ADIPOR2: variants seen among roughly 807,000 people sequenced by gnomAD.
ADIPOR2 encodes adiponectin receptor protein 2.
In ADIPOR2, 18 loss-of-function variants were observed where a neutral mutation model predicts 40.9. The ratio of observed to expected loss-of-function variants is 0.44; its 90% CI spans 0.30 to 0.65. The LOEUF (loss-of-function observed/expected upper bound fraction) is 0.65. Ranked by LOEUF, ADIPOR2 falls within the 30% of genes least tolerant of loss-of-function variation. The probability of loss-of-function intolerance (pLI) is 0.09; values close to 1 mark genes in which losing one functional copy is unlikely to be tolerated. For missense variants in ADIPOR2, 283 were observed against 479.2 expected (o/e 0.59, Z 3.82); for synonymous variants, 165 against 166.4 (o/e 0.99, Z 0.06).
Position 1,695,018 on chromosome 12 carries a change from T to G in ADIPOR2, c.-87+3827T>G, listed in dbSNP as rs565132553. Among the ~76,000 whole-genome samples, 334 of 126,510 alleles carry G rather than the reference T, an allele frequency of 2.6e-3. 3 individuals are homozygous for G. Among genetic ancestry groups the G allele is most frequent in the African/African-American group, 8.7e-3 (323 of 36,972 alleles). 83.0% of individuals were successfully genotyped at this position (126,510 alleles called of 152,430 possible). On this transcript the variant is annotated intron_variant, in intron 1 of 7. Transcript: ENST00000357103. ...CTTATTCTTTGTGTTGCAGTTTTTT[T>G]TTTTTTTTTGTTTTGTTTTTTTAAG... is the stretch of plus-strand genomic sequence containing the variant.
chr12:1,753,139 A>G (rs1468884477), intron 1 of ADIPOR2, among the ~76,000 whole-genome samples: 2 of 152,196 alleles, frequency 1.3e-5, no homozygotes, highest in Non-Finnish European at 2.9e-5. Context: ...TTTTTATGGT[A>G]TCTGGGTTCT....
chr12:1,701,951 A>G (rs2094651055), intron 1 of ADIPOR2, among the ~76,000 whole-genome samples: 1 of 152,118 alleles, frequency 6.6e-6, no homozygotes, highest in African/African-American at 2.4e-5. Flanking sequence ...GTGAAACTCC[A>G]TCTCTCCTAA....
chr12:1,777,292 G>A (rs1862614960), intron 3 of ADIPOR2, among the ~76,000 whole-genome samples: 1 of 150,426 alleles, frequency 6.6e-6, no homozygotes, highest in Admixed American at 6.6e-5. Flanking sequence ...TTGAAACAAA[G>A]TTTGAAACCA....
chr12:1,757,347 A>T, intron 2 of ADIPOR2: 1 of 698,220 alleles, frequency 1.4e-6, no homozygotes, highest in Non-Finnish European at 2.6e-6. Context: ...GCCAATAACA[A>T]AAATGTTGGA....
intron 1 of ADIPOR2, among the ~76,000 whole-genome samples, chr12:1,693,236 G>T (rs2094630931): frequency 6.6e-6 from 1 of 152,092 alleles, no homozygotes; most frequent in African/African-American, 2.4e-5. Context: ...TTTCTTTTGG[G>T]GTACAGCAGC....
chr12:1,781,465 TTTTG>T (rs1862718922), intron 6 of ADIPOR2, among the ~76,000 whole-genome samples: 1 of 152,132 alleles, frequency 6.6e-6, no homozygotes, highest in African/African-American at 2.4e-5. Flanking sequence ...TCATTTTCTG[TTTTG>T]TTTTATATTT....
At chr12:1,756,651 G>C (rs1457395180) in intron 2 of ADIPOR2, among the ~76,000 whole-genome samples, 1 of 152,010 alleles carries the variant, frequency 6.6e-6, no homozygotes, top group Non-Finnish European at 1.5e-5. Context: ...TAAACATGGA[G>C]ACATTTGTGT....
chr12:1,768,419 C>G (rs1265248436), intron 2 of ADIPOR2, among the ~76,000 whole-genome samples: 2 of 152,176 alleles, frequency 1.3e-5, no homozygotes, highest in Admixed American at 6.5e-5. Flanking sequence ...TGAGCCTCAT[C>G]ATGTTTATCT....
At chr12:1,733,456 T>C (rs1014100860) in intron 1 of ADIPOR2, among the ~76,000 whole-genome samples, 7 of 152,174 alleles carry the variant, frequency 4.6e-5, no homozygotes, top group African/African-American at 1.7e-4. Flanking sequence ...ACCTGCATTC[T>C]TTATTTTTCT....
At chr12:1,743,288 GGT>G (rs2094747471) in intron 1 of ADIPOR2, among the ~76,000 whole-genome samples, 1 of 98,206 alleles carries the variant, frequency 1.0e-5, no homozygotes, top group Non-Finnish European at 2.5e-5. Flanking sequence ...CTCCAGCCTG[GGT>G]AACAGAGCGA....
chr12:1,788,128 C>T lies in ADIPOR2; in HGVS notation c.*2056C>T, dbSNP rs1425503474. On this transcript the variant is annotated 3_prime_UTR_variant, in exon 8 of 8. Coordinates refer to ENST00000357103, the MANE Select transcript of ADIPOR2 (RefSeq NM_024551.3). ...AGGTGCAGCCCTGTCACAACACCAA[C>T]AGAAGTAGCAGCCTCTGGGTGCAGT... is the stretch of plus-strand genomic sequence containing the variant. 1.3e-5 allele frequency: 2 copies of T among 152,760 alleles called. No individual in the cohort carries two copies. Among genetic ancestry groups the T allele is most frequent in the Non-Finnish European group, 2.9e-5 (2 of 68,134 alleles). 9.5% of individuals were successfully genotyped at this position (152,760 alleles called of 1,614,324 possible).
intron 1 of ADIPOR2, among the ~76,000 whole-genome samples, chr12:1,733,311 T>C (rs769078770): frequency 3.3e-5 from 5 of 152,170 alleles, no homozygotes; most frequent in Non-Finnish European, 7.4e-5. Context: ...TATGGTACAA[T>C]CTAAATATAT....
chr12:1,731,888 C>T (rs1035884898), intron 1 of ADIPOR2, among the ~76,000 whole-genome samples: 21 of 152,110 alleles, frequency 1.4e-4, no homozygotes, highest in South Asian at 4.1e-4. Flanking sequence ...CGCGGGAACC[C>T]GCGGGGCAGA....
At position 1,749,851 on chromosome 12, in the gene ADIPOR2, T is replaced by G. The variant is rs966190399; in HGVS notation, c.-86-4407T>G. Reference sequence around the variant, plus strand: ...TGTTTAGTTTTTTTTTTTTTTTTTTTTGAGAAATGGGGTCTCATGCTGTTG... The same window carrying G: ...TGTTTAGTTTTTTTTTTTTTTTTTTGTGAGAAATGGGGTCTCATGCTGTTG... On this transcript the variant is annotated intron_variant, in intron 1 of 7. Coordinates refer to ENST00000357103, the MANE Select transcript of ADIPOR2 (RefSeq NM_024551.3). 2.5e-3 allele frequency among the ~76,000 whole-genome samples: 331 copies of G among 130,274 alleles called. 1 individual carries two copies. Among genetic ancestry groups the G allele is most frequent in the Non-Finnish European group, 3.3e-3 (198 of 59,510 alleles). 85.5% of individuals were successfully genotyped at this position (130,274 alleles called of 152,430 possible). A position where few individuals can be genotyped will look rare whatever the true frequency, so the allele number is the denominator to read the frequency against.
At chr12:1,765,900 A>G (rs1324886460) in intron 2 of ADIPOR2, among the ~76,000 whole-genome samples, 1 of 152,144 alleles carries the variant, frequency 6.6e-6, no homozygotes, top group Non-Finnish European at 1.5e-5. Flanking sequence ...AATAGTACCA[A>G]CTTTCTTTCA....
At chr12:1,708,610 C>T (rs1449189349) in intron 1 of ADIPOR2, among the ~76,000 whole-genome samples, 3 of 151,966 alleles carry the variant, frequency 2.0e-5, no homozygotes, top group Admixed American at 1.3e-4. Flanking sequence ...GTTCAAGCAC[C>T]ATTTGGTAAA....
rs116154179 is a variant in ADIPOR2, at chr12:1,708,135, A to C, written c.-87+16944A>C. 4.3e-3 allele frequency among the ~76,000 whole-genome samples: 661 copies of C among 152,278 alleles called. 5 individuals are homozygous for C. Among genetic ancestry groups the C allele is most frequent in the African/African-American group, 0.015 (630 of 41,568 alleles). On this transcript the variant is annotated intron_variant, in intron 1 of 7. Coordinates refer to ENST00000357103, the MANE Select transcript of ADIPOR2 (RefSeq NM_024551.3). ...TTTAATCATATTAGGTATTATAAAT[A>C]ATCTAGAGATTGATTTAAAGTATAA...
At chr12:1,721,569 A>G (rs2094698017) in intron 1 of ADIPOR2, among the ~76,000 whole-genome samples, 1 of 152,226 alleles carries the variant, frequency 6.6e-6, no homozygotes, top group South Asian at 2.1e-4. Flanking sequence ...TTCAGGGTTC[A>G]CAGAGTAAAG....
chr12:1,692,380 CAG>C (rs779321413), intron 1 of ADIPOR2, among the ~76,000 whole-genome samples: 1 of 152,134 alleles, frequency 6.6e-6, no homozygotes, highest in Non-Finnish European at 1.5e-5. Flanking sequence ...AATTTGTTGT[CAG>C]AGTGTTGATT....
Sources: allele counts gnomAD v4.1 joint callset (sites outside exome capture counted in the v4.1 genomes callset), GRCh38; gene constraint gnomAD v4.1.1; transcripts MANE v1.5; gene names NCBI Gene and HGNC (gene_info 2026-07-23, HGNC 2026-07-21).